CERKL: variants seen among roughly 807,000 people sequenced by gnomAD.
The protein encoded by CERKL is CERK like autophagy regulator, also known as ceramide kinase-like protein.
A neutral mutation model predicts 63.4 loss-of-function variants in CERKL; 61 were observed. That is an observed-to-expected ratio of 0.96 (90% CI 0.78 to 1.19). The LOEUF (loss-of-function observed/expected upper bound fraction) is 1.19, where lower values mean the gene tolerates loss of function less well. Among genes scored for constraint, CERKL ranks in the 50% most tolerant of loss-of-function variants. The probability of loss-of-function intolerance (pLI) is 0.00; values close to 1 mark genes in which losing one functional copy is unlikely to be tolerated. For synonymous variants in CERKL, 250 were observed against 230.5 expected, an observed-to-expected ratio of 1.08 and a Z score of -0.77; for missense variants, 675 against 655.5, an observed-to-expected ratio of 1.03 and a Z score of -0.33.
intron 3 of CERKL, among the ~76,000 whole-genome samples, chr2:181,569,645 A>T (rs1246919421): frequency 3.3e-5 from 5 of 152,180 alleles, no homozygotes; most frequent in Non-Finnish European, 7.4e-5. Flanking sequence ...TTTCCTTCAG[A>T]TAAATGTCTT....
chr2:181,582,814 G>C lies in CERKL; in HGVS notation c.482-8930C>G, dbSNP rs186480709. On this transcript the variant is annotated intron_variant, in intron 2 of 12. Transcript: ENST00000410087. ...CCACCTCAGCCTCCTAAAGTACTGA[G>C]ATTACAGGCATGAGCCATTGCACCT... Among the ~76,000 whole-genome samples the C allele has an allele frequency of 4.0e-3, 608 of 152,202 alleles. 4 individuals carry two copies. The highest frequency in any genetic ancestry group is 0.014 in the African/African-American group (576 of 41,536).
chr2:181,627,324 C>A (rs1270840559), intron 1 of CERKL, among the ~76,000 whole-genome samples: 9 of 151,964 alleles, frequency 5.9e-5, no homozygotes, highest in Admixed American at 5.9e-4. Context: ...AAAGGTTCTA[C>A]TAAGAAATTT....
At chr2:181,617,243 A>C (rs1250275612) in intron 1 of CERKL, 1 of 152,248 alleles carries the variant, frequency 6.6e-6, no homozygotes, top group East Asian at 1.9e-4. Context: ...TAACAATGGA[A>C]AGTATACATA....
At chr2:181,604,501 T>C (rs1685595821) in intron 1 of CERKL, among the ~76,000 whole-genome samples, 1 of 152,090 alleles carries the variant, frequency 6.6e-6, no homozygotes, top group Admixed American at 6.6e-5. Context: ...AGATTAAAAA[T>C]AGAATAAATG....
intron 2 of CERKL, among the ~76,000 whole-genome samples, chr2:181,595,341 A>C (rs1685157397): frequency 6.6e-6 from 1 of 152,174 alleles, no homozygotes; most frequent in Non-Finnish European, 1.5e-5. Flanking sequence ...AAGTATTGAG[A>C]AATTATGAAT....
intron 4 of CERKL, among the ~76,000 whole-genome samples, chr2:181,563,584 CCATAGCATTTTGGGGTTAACCTTCTCT>C (rs60547318): frequency 0.4 from 60,082 of 151,732 alleles, 12,679 homozygotes; most frequent in African/African-American, 0.53. Context: ...CATCAAAATG[CCATAGCATTTTGGGGTTAACCTTCTCT>C]CATCTCTGCA....
intron 1 of CERKL, among the ~76,000 whole-genome samples, chr2:181,606,803 CTATT>C (rs1191302865): frequency 5.3e-5 from 8 of 152,114 alleles, no homozygotes; most frequent in African/African-American, 1.9e-4. Flanking sequence ...ACAATCATTA[CTATT>C]ACTAAAATCA....
chr2:181,537,083 G>A lies in CERKL; in HGVS notation c.*1101C>T. 4.4e-6 allele frequency: 2 copies of A among 451,144 alleles called. No individual in the cohort carries two copies. Among genetic ancestry groups the A allele is most frequent in the Non-Finnish European group, 8.9e-6 (2 of 225,452 alleles). 27.9% of individuals were successfully genotyped at this position (451,144 alleles called of 1,614,324 possible). A position where few individuals can be genotyped will look rare whatever the true frequency, so the allele number is the denominator to read the frequency against. ...GCACAAAACCTCCTGAACCCAGAGT[G>A]TGTATACACAGGAATAAACTTTATG... On this transcript the variant is annotated 3_prime_UTR_variant, in exon 13 of 13. Transcript: ENST00000410087.
chr2:181,629,238 A>C (rs1339471159), intron 1 of CERKL, among the ~76,000 whole-genome samples: 2 of 152,212 alleles, frequency 1.3e-5, no homozygotes, highest in African/African-American at 4.8e-5. Flanking sequence ...AAAAAAAGGT[A>C]ATCACTTATG....
At chr2:181,571,601 T>C (rs999135707) in intron 3 of CERKL, among the ~76,000 whole-genome samples, 1 of 152,088 alleles carries the variant, frequency 6.6e-6, no homozygotes, top group African/African-American at 2.4e-5. Flanking sequence ...CAACTGTGGA[T>C]CAATACACGA....
intron 4 of CERKL, 47 bp downstream of exon 4, chr2:181,566,011 T>G: frequency 7.9e-7 from 1 of 1,270,322 alleles, no homozygotes; most frequent in Non-Finnish European, 1.1e-6. Flanking sequence ...GTGAAGGCAT[T>G]TAATACATAA....
intron 1 of CERKL, among the ~76,000 whole-genome samples, chr2:181,626,263 A>T (rs2105924398): frequency 6.6e-6 from 1 of 152,316 alleles, no homozygotes; most frequent in East Asian, 1.9e-4. Flanking sequence ...GAAAACAATG[A>T]AGACTAAGAG....
chr2:181,548,141 A>G, intron 8 of CERKL: 1 of 551,500 alleles, frequency 1.8e-6, no homozygotes, highest in Non-Finnish European at 3.2e-6. Flanking sequence ...CTAGACCAAA[A>G]TTATCACGAG....
intron 1 of CERKL, among the ~76,000 whole-genome samples, chr2:181,656,329 G>A (rs568349888): frequency 3.9e-5 from 6 of 152,324 alleles, no homozygotes; most frequent in Admixed American, 1.3e-4. Context: ...TCTTGTGTAG[G>A]CATAATCTGT....
intron 1 of CERKL, among the ~76,000 whole-genome samples, chr2:181,640,113 C>T (rs1687354632): frequency 6.6e-6 from 1 of 152,194 alleles, no homozygotes; most frequent in Non-Finnish European, 1.5e-5. Context: ...CCTATACCTT[C>T]CTGATTGCCT....
At chr2:181,539,377 T>TTAATAGCTTTGAGACTATG in intron 11 of CERKL, 113 bp from the exon 12 acceptor site, 1 of 706,080 alleles carries the variant, frequency 1.4e-6, no homozygotes, top group South Asian at 1.7e-5. Flanking sequence ...TGCTGACATT[T>TTAATAGCTTTGAGACTATG]TAATAGCTTT....
At chr2:181,626,997 C>T (rs1686735187) in intron 1 of CERKL, among the ~76,000 whole-genome samples, 2 of 152,178 alleles carry the variant, frequency 1.3e-5, no homozygotes, top group Admixed American at 1.3e-4. Flanking sequence ...ACAGTATTTG[C>T]CCCTAGTAGT....
intron 1 of CERKL, among the ~76,000 whole-genome samples, chr2:181,628,027 T>C (rs1248032385): frequency 6.6e-6 from 1 of 152,182 alleles, no homozygotes; most frequent in Admixed American, 6.5e-5. Context: ...ACAGGAATCA[T>C]TTAAGAACAT....
intron 2 of CERKL, among the ~76,000 whole-genome samples, chr2:181,579,120 A>C (rs753363615): frequency 6.6e-6 from 1 of 151,996 alleles, no homozygotes; most frequent in Non-Finnish European, 1.5e-5. Flanking sequence ...CAAATTCCTC[A>C]CGTGTAATAC....
Sources: gnomAD v4.1 joint callset for allele counts (sites outside exome capture counted in the v4.1 genomes callset) on GRCh38, gnomAD v4.1.1 for gene constraint, MANE v1.5 for transcripts, NCBI Gene and HGNC (gene_info 2026-07-23, HGNC 2026-07-21) for gene names.